RYR2: variants seen among roughly 807,000 people sequenced by gnomAD.
RYR2 encodes cardiac muscle ryanodine receptor-calcium release channel.
In RYR2, 227 loss-of-function variants were observed where a neutral mutation model predicts 601.1. The ratio of observed to expected loss-of-function variants is 0.38; its 90% CI spans 0.34 to 0.42. The LOEUF (loss-of-function observed/expected upper bound fraction) is 0.42. RYR2 is among the 10% of genes least tolerant of loss of function. The pLI is 1.00. For missense variants in RYR2, 4,646 were observed against 6,156.5 expected (o/e 0.75, Z 8.21); for synonymous variants, 2,223 against 2,175.1 (o/e 1.02, Z -0.61).
intron 1 of RYR2, among the ~76,000 whole-genome samples, chr1:237,102,681 C>T (rs958286263): frequency 2.0e-5 from 3 of 152,030 alleles, no homozygotes; most frequent in Non-Finnish European, 4.4e-5. Context: ...CATTGTGAAA[C>T]CCCTTCTCTA....
At chr1:237,385,725 C>T (rs561902351) in intron 8 of RYR2, among the ~76,000 whole-genome samples, 3 of 152,168 alleles carry the variant, frequency 2.0e-5, no homozygotes, top group Non-Finnish European at 2.9e-5. Flanking sequence ...TATTGAAATA[C>T]GAGTATTTAT....
chr1:237,543,236 G>A (rs895022835), intron 25 of RYR2, among the ~76,000 whole-genome samples: 1 of 152,148 alleles, frequency 6.6e-6, no homozygotes, highest in Non-Finnish European at 1.5e-5. Context: ...TTTCAAAGGG[G>A]CTGAGGGGTG....
intron 63 of RYR2, among the ~76,000 whole-genome samples, chr1:237,693,955 C>G (rs1687174952): frequency 6.6e-6 from 1 of 152,170 alleles, no homozygotes; most frequent in Admixed American, 6.5e-5. Context: ...TGTGTTATCT[C>G]TAACAAGGCT....
At chr1:237,420,252 A>T (rs1334968740) in intron 11 of RYR2, among the ~76,000 whole-genome samples, 1 of 152,190 alleles carries the variant, frequency 6.6e-6, no homozygotes, top group African/African-American at 2.4e-5. Flanking sequence ...GATATGTGTT[A>T]GTTCCTGTAA....
chr1:237,267,893 TGTGA>T (rs1689229285), intron 1 of RYR2, among the ~76,000 whole-genome samples: 1 of 152,232 alleles, frequency 6.6e-6, no homozygotes, highest in Non-Finnish European at 1.5e-5. Flanking sequence ...ATAAGCCCTC[TGTGA>T]GTAACAAGTT....
chr1:237,061,937 A>G (rs533702142), intron 1 of RYR2, among the ~76,000 whole-genome samples: 1 of 152,270 alleles, frequency 6.6e-6, no homozygotes, highest in African/African-American at 2.4e-5. Flanking sequence ...TGAGGTAGAG[A>G]TCAGTCCCTC....
intron 1 of RYR2, among the ~76,000 whole-genome samples, chr1:237,101,237 C>T (rs1306745558): frequency 6.7e-6 from 1 of 149,144 alleles, no homozygotes; most frequent in Non-Finnish European, 1.5e-5. Context: ...TTCTCTTAGG[C>T]TCATCCTTGG....
Position 237,700,287 on chromosome 1 carries a change from A to G in RYR2, c.9187A>G (p.Asn3063Asp), listed in dbSNP as rs889751102. 6.3e-7 allele frequency: 1 copy of G among 1,588,894 alleles called. No individual in the cohort carries two copies. The highest frequency in any genetic ancestry group is 8.6e-7 in the Non-Finnish European group (1 of 1,166,664). Reference protein sequence around the residue: ...VKSALRAFLDNAAEDLEKTME... With the variant: ...VKSALRAFLDDAAEDLEKTME... ...AAGTGCACTCAGAGCTTTTCTGGAC[A>G]ACGCTGCAGAGGATCTGGAGAAGAC... is the stretch of plus-strand genomic sequence containing the variant. The change falls in exon 65 of 105, where the codon AAC becomes GAC. Residue 3063 changes from asparagine (N) to aspartate (D), a missense_variant. Coordinates refer to ENST00000366574, the MANE Select transcript of RYR2 (RefSeq NM_001035.3).
At chr1:237,478,408 C>T (rs1228304225) in intron 17 of RYR2, among the ~76,000 whole-genome samples, 2 of 152,162 alleles carry the variant, frequency 1.3e-5, no homozygotes, top group Non-Finnish European at 2.9e-5. Context: ...AGTGACACTA[C>T]AAATGTGCTT....
At chr1:237,701,768 A>G (rs969511486) in intron 65 of RYR2, among the ~76,000 whole-genome samples, 2 of 151,850 alleles carry the variant, frequency 1.3e-5, no homozygotes, top group African/African-American at 2.4e-5. Flanking sequence ...ATAAGTGAGG[A>G]CATGTGATAT....
In RYR2 at chr1:237,791,570, T is replaced by C; in HGVS notation, c.13563+55T>C. 3.3e-6 allele frequency: 3 copies of C among 905,632 alleles called. No homozygotes were observed. The South Asian group carries it at 4.3e-5, about 13-fold the overall frequency. The allele number at this position is 905,632 out of a possible 1,614,324, so 56.1% of individuals were successfully genotyped here. Reference sequence around the variant, plus strand: ...GTATAAAACTCCAAATAGAAATGAATGTAAAGATTTCACGATGAACGTATC... The same window carrying C: ...GTATAAAACTCCAAATAGAAATGAACGTAAAGATTTCACGATGAACGTATC... On this transcript the variant is annotated intron_variant, in intron 93 of 104. Coordinates refer to ENST00000366574, the MANE Select transcript of RYR2 (RefSeq NM_001035.3).
intron 2 of RYR2, among the ~76,000 whole-genome samples, chr1:237,302,352 A>T (rs1300758888): frequency 6.6e-6 from 1 of 152,200 alleles, no homozygotes; most frequent in Non-Finnish European, 1.5e-5. Flanking sequence ...TGCGACTCAC[A>T]ATTATGGTAA....
chr1:237,204,337 C>G (rs1681539291), intron 1 of RYR2, among the ~76,000 whole-genome samples: 1 of 152,162 alleles, frequency 6.6e-6, no homozygotes, highest in African/African-American at 2.4e-5. Context: ...GTAGTTATCC[C>G]TCTACTTTTG....
At chr1:237,691,174 T>C (rs1423146045) in intron 63 of RYR2, among the ~76,000 whole-genome samples, 1 of 152,200 alleles carries the variant, frequency 6.6e-6, no homozygotes, top group Non-Finnish European at 1.5e-5. Context: ...ACTATCTTGG[T>C]TTAAAGATTT....
At chr1:237,204,136 G>T (rs1681512563) in intron 1 of RYR2, among the ~76,000 whole-genome samples, 3 of 152,068 alleles carry the variant, frequency 2.0e-5, no homozygotes, top group Admixed American at 2.0e-4. Flanking sequence ...TCAGCCTCCC[G>T]AGTAGCTGGG....
chr1:237,045,153 T>G (rs1660419309), intron 1 of RYR2, among the ~76,000 whole-genome samples: 1 of 152,180 alleles, frequency 6.6e-6, no homozygotes, highest in Non-Finnish European at 1.5e-5. Context: ...ACATCTGGAT[T>G]ATTATCTTGA....
chr1:237,279,933 A>C (rs1690684482), intron 2 of RYR2, among the ~76,000 whole-genome samples: 1 of 152,204 alleles, frequency 6.6e-6, no homozygotes, highest in Admixed American at 6.5e-5. Flanking sequence ...CATTCACAGT[A>C]TGTATGAAAC....
intron 24 of RYR2, among the ~76,000 whole-genome samples, chr1:237,526,339 CTTTCT>C (rs202124392): frequency 0.014 from 2,122 of 150,544 alleles, 28 homozygotes; most frequent in Middle Eastern, 0.051. Context: ...GTCCTTTTTT[CTTTCT>C]TTTCTTTTCT....
intron 103 of RYR2, 143 bp from the exon 104 acceptor site, chr1:237,831,371 A>G (rs2102954597): frequency 3.5e-6 from 2 of 578,054 alleles, no homozygotes; most frequent in Middle Eastern, 4.4e-4. Context: ...TTTCTGGTAC[A>G]CTAATTTTTC....
Sources: allele counts gnomAD v4.1 joint callset (sites outside exome capture counted in the v4.1 genomes callset), GRCh38; gene constraint gnomAD v4.1.1; transcripts MANE v1.5; gene names NCBI Gene and HGNC (gene_info 2026-07-23, HGNC 2026-07-21).